Variants in NUTF2 observed in about 807,000 individuals in gnomAD.
NUTF2 encodes the protein nuclear transport factor 2.
Under a neutral mutation model 18.5 loss-of-function variants are expected in NUTF2, and 3 were observed. The ratio of observed to expected loss-of-function variants is 0.16; its 90% CI spans 0.07 to 0.42. NUTF2 has a LOEUF of 0.42. Among genes scored for constraint, NUTF2 ranks in the 10% least tolerant of loss-of-function variants. NUTF2 has a pLI of 0.99. For synonymous variants in NUTF2, 51 were observed against 57.9 expected (o/e 0.88, Z 0.54); for missense variants, 44 against 160.7 (o/e 0.27, Z 3.93).
chr16:67,850,223 G>A (rs75315022), intron 1 of NUTF2, among the ~76,000 whole-genome samples: 1 of 112,812 alleles, frequency 8.9e-6, no homozygotes, highest in Non-Finnish European at 1.8e-5. Context: ...TTTTTTTTTT[G>A]AGATGGAGTC....
At position 67,850,721 on chromosome 16, in the gene NUTF2, A is replaced by G. The variant is rs1399826324; in HGVS notation, c.-30+3736A>G. On this transcript the variant is annotated intron_variant, in intron 1 of 4. Transcript: ENST00000219169. ...TGCGGTGGTTGGGATATTGCCGCACAAGGATGAGGCAGGATACAAGATGCC... is the reference window on the plus strand; with the variant it reads ...TGCGGTGGTTGGGATATTGCCGCACGAGGATGAGGCAGGATACAAGATGCC... Among the ~76,000 whole-genome samples the G allele has an allele frequency of 2.6e-5, 4 of 152,144 alleles. No homozygotes were observed. In the East Asian group the frequency reaches 7.7e-4, roughly 29 times the overall value.
chr16:67,852,661 TTTTCTTTATTTTA>T (rs1395532726), intron 1 of NUTF2, among the ~76,000 whole-genome samples: 1 of 151,778 alleles, frequency 6.6e-6, no homozygotes, highest in Non-Finnish European at 1.5e-5. Context: ...CCTGGCCTTT[TTTTCTTTATTTTA>T]TTTCTTTATT....
chr16:67,860,969 C>G (rs1439211881), intron 1 of NUTF2, among the ~76,000 whole-genome samples: 2 of 152,224 alleles, frequency 1.3e-5, no homozygotes, highest in Non-Finnish European at 2.9e-5. Flanking sequence ...ATGTGGAACT[C>G]TTCTGCCTGA....
chr16:67,848,656 C>T (rs1001342422), intron 1 of NUTF2, among the ~76,000 whole-genome samples: 2 of 150,714 alleles, frequency 1.3e-5, no homozygotes, highest in South Asian at 4.2e-4. Flanking sequence ...GCAGGAGAAT[C>T]GCTTGAATCC....
intron 1 of NUTF2, among the ~76,000 whole-genome samples, chr16:67,859,289 C>T (rs1409328424): frequency 6.6e-6 from 1 of 151,906 alleles, no homozygotes; most frequent in East Asian, 1.9e-4. Context: ...AAGCAGTTCT[C>T]CTGCCTTAGC....
chr16:67,868,212 T>C (rs576824690), intron 2 of NUTF2, 128 bp from the exon 3 acceptor site: 5 of 753,682 alleles, frequency 6.6e-6, no homozygotes, highest in Non-Finnish European at 1.1e-5. Flanking sequence ...TCAGTCTCCT[T>C]CTTTAGACAG....
intron 1 of NUTF2, among the ~76,000 whole-genome samples, chr16:67,853,828 G>C (rs1235176117): frequency 6.6e-6 from 1 of 151,312 alleles, no homozygotes; most frequent in African/African-American, 2.4e-5. Context: ...ACAACTTCTT[G>C]TAGAGACGGG....
chr16:67,847,808 T>G (rs1283934994), intron 1 of NUTF2: 1 of 152,316 alleles, frequency 6.6e-6, no homozygotes, highest in East Asian at 1.9e-4. Context: ...GATGACTTCA[T>G]AAGAATGGGA....
chr16:67,863,431 G>A (rs1019051425), intron 1 of NUTF2, among the ~76,000 whole-genome samples: 3 of 151,802 alleles, frequency 2.0e-5, no homozygotes, highest in African/African-American at 7.3e-5. Flanking sequence ...TCACAGAGCG[G>A]AGGATTGGCT....
At chr16:67,858,913 C>A (rs1456615291) in intron 1 of NUTF2, among the ~76,000 whole-genome samples, 1 of 151,058 alleles carries the variant, frequency 6.6e-6, no homozygotes, top group Non-Finnish European at 1.5e-5. Context: ...CACTGTGTTG[C>A]CCAGTCTGGA....
At chr16:67,851,768 C>A (rs1336966616) in intron 1 of NUTF2, among the ~76,000 whole-genome samples, 1 of 152,110 alleles carries the variant, frequency 6.6e-6, no homozygotes, top group African/African-American at 2.4e-5. Context: ...GTAATCCCAG[C>A]ACTTTGGGAG....
chr16:67,866,463 G>A (rs577920912), intron 2 of NUTF2, among the ~76,000 whole-genome samples: 8 of 151,802 alleles, frequency 5.3e-5, no homozygotes, highest in South Asian at 4.2e-4. Flanking sequence ...GCACCACCAA[G>A]CCTAATTTTT....
chr16:67,870,513 G>T, intron 4 of NUTF2: 1 of 393,136 alleles, frequency 2.5e-6, no homozygotes, highest in Non-Finnish European at 4.6e-6. Flanking sequence ...CTTGGAGGCA[G>T]GTACATCCTC....
intron 1 of NUTF2, among the ~76,000 whole-genome samples, chr16:67,863,860 C>T (rs1177070236): frequency 6.6e-6 from 1 of 152,210 alleles, no homozygotes; most frequent in South Asian, 2.1e-4. Context: ...AAAGCCCAAG[C>T]GGCTCTCCCA....
chr16:67,852,062 C>G (rs1389821823), intron 1 of NUTF2, among the ~76,000 whole-genome samples: 1 of 151,910 alleles, frequency 6.6e-6, no homozygotes, highest in East Asian at 1.9e-4. Context: ...ATCAAAAATT[C>G]TAGGATTCAG....
At chr16:67,867,535 G>T (rs1297792835) in intron 2 of NUTF2, among the ~76,000 whole-genome samples, 1 of 152,114 alleles carries the variant, frequency 6.6e-6, no homozygotes, top group Non-Finnish European at 1.5e-5. Flanking sequence ...CTTCTTGGTG[G>T]TAGGGAGGGT....
intron 1 of NUTF2, among the ~76,000 whole-genome samples, chr16:67,863,165 T>G (rs1055115400): frequency 4.6e-5 from 7 of 152,234 alleles, no homozygotes. Context: ...AAGACCACAG[T>G]GAAGACTAGA....
intron 1 of NUTF2, among the ~76,000 whole-genome samples, chr16:67,864,509 CAAAA>C (rs572931294): frequency 3.0e-4 from 16 of 53,084 alleles, no homozygotes; most frequent in African/African-American, 6.3e-4. Context: ...AACTCTGTCT[CAAAA>C]AAAAAAAAAA....
At chr16:67,856,721 G>A (rs1386013630) in intron 1 of NUTF2, among the ~76,000 whole-genome samples, 3 of 151,456 alleles carry the variant, frequency 2.0e-5, no homozygotes, top group Non-Finnish European at 4.4e-5. Flanking sequence ...TGTTGGCCAG[G>A]CTGGTCTCAA....
Sources: gnomAD v4.1 joint callset for allele counts (sites outside exome capture counted in the v4.1 genomes callset) on GRCh38, gnomAD v4.1.1 for gene constraint, MANE v1.5 for transcripts, NCBI Gene and HGNC (gene_info 2026-07-23, HGNC 2026-07-21) for gene names.